The following ENO1 variants were observed in gnomAD, a reference collection of about 807,000 sequenced individuals.
The protein encoded by ENO1 is alpha-enolase.
Under a neutral mutation model 46.3 loss-of-function variants are expected in ENO1, and 33 were observed. The observed-to-expected ratio is 0.71, with a 90% CI of 0.54 to 0.95. The LOEUF (loss-of-function observed/expected upper bound fraction) is 0.95, where lower values mean the gene tolerates loss of function less well. Among genes scored for constraint, ENO1 ranks in the 40% least tolerant of loss-of-function variants. The pLI, the probability that ENO1 is intolerant of heterozygous loss-of-function variation, is 0.00. For synonymous variants in ENO1, 220 were observed against 216.0 expected (o/e 1.02, Z -0.16); for missense variants, 488 against 553.3 (o/e 0.88, Z 1.18).
intron 8 of ENO1, 76 bp from the exon 9 acceptor site, chr1:8,864,168 C>A: frequency 6.6e-7 from 1 of 1,516,340 alleles, no homozygotes. Flanking sequence ...CCTTGCTTCC[C>A]CCTTGACTTG....
At chr1:8,869,085 C>T (rs1222408458) in intron 4 of ENO1, among the ~76,000 whole-genome samples, 1 of 152,198 alleles carries the variant, frequency 6.6e-6, no homozygotes, top group Non-Finnish European at 1.5e-5. Flanking sequence ...AGAAAATCAA[C>T]TCTGATCCCA....
At chr1:8,861,712 G>A (rs1642409027) in intron 11 of ENO1, among the ~76,000 whole-genome samples, 2 of 152,042 alleles carry the variant, frequency 1.3e-5, no homozygotes, top group African/African-American at 4.8e-5. Flanking sequence ...CGTCAGTGTT[G>A]CAGAGGAGCA....
In ENO1 at chr1:8,870,442, C is replaced by T; in HGVS notation, c.240+10G>A. 2 of 1,614,130 alleles carry T rather than the reference C, an allele frequency of 1.2e-6. No individual in the cohort carries two copies. The highest frequency in any genetic ancestry group is 1.3e-5 in the African/African-American group (1 of 75,038). ...ATTAGACACATTAGTTATCAGGAGG[C>T]AGGTCCTACCTTGCTAACCAGGGCA... On this transcript the variant is annotated intron_variant, in intron 4 of 11. Coordinates refer to ENST00000234590, the MANE Select transcript of ENO1 (RefSeq NM_001428.5).
In ENO1 at chr1:8,861,194, G is replaced by T; in HGVS notation, c.*166C>A. 1 of 636,824 alleles carries T rather than the reference G, an allele frequency of 1.6e-6. No homozygotes were observed. The highest frequency in any genetic ancestry group is 3.0e-5 in the Admixed American group (1 of 33,462). 39.4% of individuals were successfully genotyped at this position (636,824 alleles called of 1,614,324 possible). On this transcript the variant is annotated 3_prime_UTR_variant, in exon 12 of 12. Coordinates refer to ENST00000234590, the MANE Select transcript of ENO1 (RefSeq NM_001428.5). ...TGCCAACAGGGCTCCAGGGAGCTTG[G>T]CTTCTGTAGAAGTTCTAAGGAAGCG...
chr1:8,861,129 A>G lies in ENO1; in HGVS notation c.*231T>C. The G allele has an allele frequency of 2.0e-6, 1 of 503,792 alleles. No individual in the cohort carries two copies. The highest frequency in any genetic ancestry group is 3.5e-6 in the Non-Finnish European group (1 of 282,256). 31.2% of individuals were successfully genotyped at this position (503,792 alleles called of 1,614,324 possible). On this transcript the variant is annotated 3_prime_UTR_variant, in exon 12 of 12. Coordinates refer to ENST00000234590, the MANE Select transcript of ENO1 (RefSeq NM_001428.5). ...CTTGGTGGAAAGTGAGGCGAGAAAA[A>G]CAATGACTTGGGCCAATTACACGAC...
chr1:8,878,595 C>T lies in ENO1; in HGVS notation c.-25G>A, dbSNP rs746299427. The stretch of plus-strand genomic sequence containing the variant: ...CAATCATTACCTAGCCACTGGGTCT[C>T]GTCGCCTAGGAGAGGAAGCGGAGGG... On this transcript the variant is annotated 5_prime_UTR_variant, in exon 1 of 12. Coordinates refer to ENST00000234590, the MANE Select transcript of ENO1 (RefSeq NM_001428.5). 35 of 455,956 alleles carry T rather than the reference C, an allele frequency of 7.7e-5. No individual in the cohort carries two copies. Among genetic ancestry groups the T allele is most frequent in the Non-Finnish European group, 1.5e-4 (33 of 226,788 alleles). The allele number at this position is 455,956 out of a possible 1,614,324, so 28.2% of individuals were successfully genotyped here.
intron 11 of ENO1, among the ~76,000 whole-genome samples, chr1:8,862,459 C>T (rs1430583651): frequency 6.6e-6 from 1 of 152,220 alleles, no homozygotes; most frequent in Non-Finnish European, 1.5e-5. Context: ...AACAGCCCCA[C>T]AGCGCTCACA....
chr1:8,870,168 T>C, intron 4 of ENO1: 1 of 446,094 alleles, frequency 2.2e-6, no homozygotes, highest in East Asian at 3.4e-5. Flanking sequence ...TCTTAAAATC[T>C]GGATCTTAAT....
chr1:8,863,888 T>C lies in ENO1; in HGVS notation c.1067+3A>G, dbSNP rs760298320. 5 of 1,613,536 alleles carry C rather than the reference T, an allele frequency of 3.1e-6. No homozygotes were observed. The highest frequency in any genetic ancestry group is 4.2e-6 in the Non-Finnish European group (5 of 1,179,846). On this transcript the variant is annotated splice_donor_region_variant and intron_variant, in intron 9 of 11. Coordinates refer to ENST00000234590, the MANE Select transcript of ENO1 (RefSeq NM_001428.5). ...AAAGCTGCTCGCCTGGGAAGACACT[T>C]ACGCCTGAAGAGACTCGGTCACGGA...
intron 2 of ENO1, 84 bp downstream of exon 2, chr1:8,874,740 T>C: frequency 8.1e-7 from 1 of 1,239,822 alleles, no homozygotes; most frequent in Non-Finnish European, 1.1e-6. Flanking sequence ...GATTTTTTTT[T>C]TCCTAAGGCT....
intron 7 of ENO1, among the ~76,000 whole-genome samples, 194 bp from the exon 8 acceptor site, chr1:8,865,676 A>C (rs900490898): frequency 9.9e-5 from 15 of 152,168 alleles, no homozygotes; most frequent in African/African-American, 3.6e-4. Context: ...GTGCATACAA[A>C]ATGGGAAATT....
intron 1 of ENO1, chr1:8,878,256 G>C (rs1642778830): frequency 4.7e-6 from 1 of 211,054 alleles, no homozygotes; most frequent in Non-Finnish European, 9.6e-6. Context: ...CCCAACTCCC[G>C]CTGTGCTAAG....
At chr1:8,867,525 T>G (rs1642545801) in intron 5 of ENO1, among the ~76,000 whole-genome samples, 1 of 151,948 alleles carries the variant, frequency 6.6e-6, no homozygotes, top group South Asian at 2.1e-4. Flanking sequence ...TATTGTCACC[T>G]GGTTTTGCAC....
intron 2 of ENO1, among the ~76,000 whole-genome samples, chr1:8,873,529 A>T (rs1262374164): frequency 2.0e-5 from 3 of 152,230 alleles, no homozygotes; most frequent in Non-Finnish European, 4.4e-5. Flanking sequence ...AGTTCCACCC[A>T]TTGACTAAGC....
At chr1:8,870,971 G>A (rs935809915) in intron 3 of ENO1, 10 of 1,245,236 alleles carry the variant, frequency 8.0e-6, no homozygotes, top group Non-Finnish European at 1.0e-5. Context: ...ACAGTGAGGG[G>A]GCAGGAAAGC....
intron 5 of ENO1, among the ~76,000 whole-genome samples, 168 bp from the exon 6 acceptor site, chr1:8,867,418 T>C (rs1401133682): frequency 6.6e-6 from 1 of 152,170 alleles, no homozygotes; most frequent in Non-Finnish European, 1.5e-5. Context: ...CACCACTGCT[T>C]TTCCCCTCTA....
intron 2 of ENO1, among the ~76,000 whole-genome samples, chr1:8,872,300 C>A (rs1408921866): frequency 6.6e-6 from 1 of 152,148 alleles, no homozygotes; most frequent in Non-Finnish European, 1.5e-5. Flanking sequence ...CTCACAAGCT[C>A]GCATTGGTGC....
chr1:8,871,848 G>A (rs757181732), intron 3 of ENO1, 43 bp downstream of exon 3: 33 of 1,596,428 alleles, frequency 2.1e-5, no homozygotes, highest in Non-Finnish European at 2.7e-5. Context: ...CAGGAATGGG[G>A]CTGGAAGCAG....
Position 8,878,654 on chromosome 1 carries a change from G to A in ENO1, c.-84C>T, listed in dbSNP as rs1291057596. 2.2e-5 allele frequency: 10 copies of A among 455,978 alleles called. No homozygotes were observed. The highest frequency in any genetic ancestry group is 3.5e-5 in the Non-Finnish European group (8 of 226,816). 28.2% of individuals were successfully genotyped at this position (455,978 alleles called of 1,614,324 possible). ...ACACCGAGGTGAACGTAAAGCCGGC[G>A]AGATCTCCGTGCTCCGGGTACCCAC... On this transcript the variant is annotated 5_prime_UTR_variant, in exon 1 of 12. Transcript: ENST00000234590.
Sources: gnomAD v4.1 joint callset for allele counts (sites outside exome capture counted in the v4.1 genomes callset) on GRCh38, gnomAD v4.1.1 for gene constraint, MANE v1.5 for transcripts, NCBI Gene and HGNC (gene_info 2026-07-23, HGNC 2026-07-21) for gene names.